The following VPS26B variants were observed in gnomAD, a reference collection of about 807,000 sequenced individuals.
The protein encoded by VPS26B is VPS26 retromer complex component B, also known as vacuolar protein sorting-associated protein 26B.
VPS26B carries 10 observed loss-of-function variants against 33.3 expected under a neutral mutation model. That is an observed-to-expected ratio of 0.30 (90% CI 0.19 to 0.51). VPS26B has a LOEUF of 0.51. Ranked by LOEUF, VPS26B falls within the 20% of genes least tolerant of loss-of-function variation. The probability of loss-of-function intolerance (pLI) is 0.98; values close to 1 mark genes in which losing one functional copy is unlikely to be tolerated. For missense variants in VPS26B, 317 were observed against 452.7 expected, an observed-to-expected ratio of 0.70 and a Z score of 2.72; for synonymous variants, 190 against 176.9, an observed-to-expected ratio of 1.07 and a Z score of -0.59.
chr11:134,244,683 C>T lies in VPS26B; in HGVS notation c.722-255C>T. ...CAAAAGATGCTTATACTAATAATGACCTGTGCTGTTCCCACTCAGTTGCTC... is the reference window on the plus strand; with the variant it reads ...CAAAAGATGCTTATACTAATAATGATCTGTGCTGTTCCCACTCAGTTGCTC... On this transcript the variant is annotated intron_variant, in intron 4 of 5. Transcript: ENST00000281187. The surrounding 1 kb of genome is among the most constrained non-coding windows in gnomAD (Gnocchi z 4.0). The T allele has an allele frequency of 4.4e-6, 2 of 452,132 alleles. No individual in the cohort carries two copies. Among genetic ancestry groups the T allele is most frequent in the Admixed American group, 7.7e-5 (2 of 25,822 alleles). 28.0% of individuals were successfully genotyped at this position (452,132 alleles called of 1,614,324 possible). A position where few individuals can be genotyped will look rare whatever the true frequency, so the allele number is the denominator to read the frequency against.
chr11:134,225,431 G>A, intron 1 of VPS26B, 86 bp downstream of exon 1: 7 of 1,346,498 alleles, frequency 5.2e-6, no homozygotes, highest in Middle Eastern at 1.8e-4. Flanking sequence ...CTCCGGCGAG[G>A]CCTGTCACAG....
intron 2 of VPS26B, among the ~76,000 whole-genome samples, chr11:134,236,013 C>T (rs1450949489): frequency 6.6e-6 from 1 of 152,146 alleles, no homozygotes; most frequent in Non-Finnish European, 1.5e-5. Context: ...CTTTCTCTGT[C>T]CTCCCTTCTT....
intron 2 of VPS26B, 72 bp downstream of exon 2, chr11:134,235,125 C>A: frequency 6.5e-7 from 1 of 1,533,182 alleles, no homozygotes; most frequent in Non-Finnish European, 8.8e-7. Flanking sequence ...TGAGGCCGTC[C>A]CCACTTTGAG....
Position 134,244,834 on chromosome 11 carries a change from G to T in VPS26B, c.722-104G>T. 1 of 1,438,584 alleles carries T rather than the reference G, an allele frequency of 7.0e-7. No homozygotes were observed. The highest frequency in any genetic ancestry group is 9.2e-7 in the Non-Finnish European group (1 of 1,084,678). 89.1% of individuals were successfully genotyped at this position (1,438,584 alleles called of 1,614,324 possible). The stretch of plus-strand genomic sequence containing the variant: ...ACCTTCCCAGAAGGCTGAAGTGCTC[G>T]TGTGCTGCACTCCAGTGGCATCTCT... On this transcript the variant is annotated intron_variant, in intron 4 of 5. Coordinates refer to ENST00000281187, the MANE Select transcript of VPS26B (RefSeq NM_052875.5). This position sits in a 1 kb window ranked among gnomAD's most constrained non-coding sequence, Gnocchi z 4.0.
chr11:134,243,196 A>G lies in VPS26B; in HGVS notation c.623A>G (p.Asp208Gly), dbSNP rs374370712. 4 of 1,614,094 alleles carry G rather than the reference A, an allele frequency of 2.5e-6. No homozygotes were observed. In the African/African-American group the frequency reaches 5.3e-5, roughly 22 times the overall value. Residue 208 changes from aspartate to glycine, a missense_variant, in exon 4 of 6, where the codon GAC becomes GGC. Coordinates refer to ENST00000281187, the MANE Select transcript of VPS26B (RefSeq NM_052875.5). Reference sequence around the variant, plus strand: ...ATCAAAATCAAGCACATGGAGATAGACATCATCAAGCGAGAAACGACGGGT... The same window carrying G: ...ATCAAAATCAAGCACATGGAGATAGGCATCATCAAGCGAGAAACGACGGGT... ...VRIKIKHMEIDIIKRETTGTG... is the reference protein window; with the variant it reads ...VRIKIKHMEIGIIKRETTGTG...
At chr11:134,241,564 G>A (rs1297983229) in intron 3 of VPS26B, among the ~76,000 whole-genome samples, 3 of 152,212 alleles carry the variant, frequency 2.0e-5, no homozygotes, top group Admixed American at 2.0e-4. Flanking sequence ...GTCCTGCCCA[G>A]AAAGGAGCCA....
intron 2 of VPS26B, 46 bp from the exon 3 acceptor site, chr11:134,239,945 T>C (rs1938691472): frequency 1.2e-6 from 2 of 1,612,288 alleles, no homozygotes; most frequent in East Asian, 4.5e-5. Flanking sequence ...CTAGGTAGCA[T>C]CTGGAGACTG....
intron 2 of VPS26B, chr11:134,239,758 T>G: frequency 3.5e-5 from 18 of 518,110 alleles, no homozygotes; most frequent in East Asian, 1.1e-4. Context: ...CCTAGAGGGA[T>G]TTGGGGGAAG....
rs144391409 is a variant in VPS26B, at chr11:134,244,969, C to T, written c.753C>T (p.Ala251=). ...CCATCCCGATCCGGCTCTTCCTGGC[C>T]GGGTATGAGCTCACGCCCACCATGC... The part of the protein sequence containing the change: ...GESIPIRLFL[A]GYELTPTMRD... Residue 251 remains alanine, a synonymous_variant, in exon 5 of 6, where the codon GCC becomes GCT. Transcript: ENST00000281187. The surrounding 1 kb of genome is among the most constrained non-coding windows in gnomAD (Gnocchi z 4.0). 1.9e-5 allele frequency: 31 copies of T among 1,613,864 alleles called. No individual in the cohort carries two copies. Among genetic ancestry groups the T allele is most frequent in the East Asian group, 1.8e-4 (8 of 44,886 alleles).
rs1039383069 is a variant in VPS26B at position 134,224,768 on chromosome 11, C to G, written c.-355C>G. The G allele has an allele frequency of 6.6e-6, 1 of 152,568 alleles. No individual in the cohort carries two copies. The highest frequency in any genetic ancestry group is 1.5e-5 in the Non-Finnish European group (1 of 68,432). 9.5% of individuals were successfully genotyped at this position (152,568 alleles called of 1,614,324 possible). The stretch of plus-strand genomic sequence containing the variant: ...CCCCACCCGGCAGGCGCAGGCCACC[C>G]ACACCCGGCTCTGTGCGGCTGCCCC... On this transcript the variant is annotated 5_prime_UTR_variant, in exon 1 of 6. Coordinates refer to ENST00000281187, the MANE Select transcript of VPS26B (RefSeq NM_052875.5).
Position 134,240,036 on chromosome 11 carries a change from C to A in VPS26B, c.426C>A (p.Val142=). Reference sequence around the variant, plus strand: ...TCAGCCGCCGCCTCAATGATGTTGTCAAAGAGATGGACATTGTAGTTCACA... The same window carrying A: ...TCAGCCGCCGCCTCAATGATGTTGTAAAAGAGATGGACATTGTAGTTCACA... ...ATISRRLNDV[V]KEMDIVVHTL... is the part of the protein sequence containing the mutation. The change falls in exon 3 of 6, where the codon GTC becomes GTA. Residue 142 remains valine (V), a synonymous_variant. Transcript: ENST00000281187. This position sits in a 1 kb window ranked among gnomAD's most constrained non-coding sequence, Gnocchi z 4.4. 1.2e-6 allele frequency: 2 copies of A among 1,614,128 alleles called. No homozygotes were observed. Among genetic ancestry groups the A allele is most frequent in the Non-Finnish European group, 1.7e-6 (2 of 1,180,038 alleles).
At position 134,243,363 on chromosome 11, in the gene VPS26B, G is replaced by A; in HGVS notation, c.721+69G>A. On this transcript the variant is annotated intron_variant, in intron 4 of 5. Coordinates refer to ENST00000281187, the MANE Select transcript of VPS26B (RefSeq NM_052875.5). ...CATGTCCTGCACAGAATTCTGGAGG[G>A]GCTTGAGGGATTACACTGTCAAAAT... The A allele has an allele frequency of 1.9e-6, 3 of 1,559,800 alleles. No individual in the cohort carries two copies. In the South Asian group the frequency reaches 3.5e-5, roughly 18 times the overall value.
intron 1 of VPS26B, among the ~76,000 whole-genome samples, chr11:134,228,105 A>G (rs529874174): frequency 6.6e-6 from 1 of 152,380 alleles, no homozygotes; most frequent in South Asian, 2.1e-4. Flanking sequence ...GATGGACAAT[A>G]TGTTTCTGAT....
chr11:134,240,065 T>A lies in VPS26B; in HGVS notation c.455T>A (p.Leu152His). 6 of 1,614,188 alleles carry A rather than the reference T, an allele frequency of 3.7e-6. No homozygotes were observed. The highest frequency in any genetic ancestry group is 5.1e-6 in the Non-Finnish European group (6 of 1,180,028). ...VKEMDIVVHT[L>H]STYPELNSSI... The stretch of plus-strand genomic sequence containing the variant: ...GAGATGGACATTGTAGTTCACACAC[T>A]CAGCACATACCCAGAGCTGAACTCT... Residue 152 changes from leucine to histidine, a missense_variant, in exon 3 of 6, where the codon CTC (leucine) becomes CAC (histidine). By Grantham distance (99) the Leu-to-His change is moderately conservative. Coordinates refer to ENST00000281187, the MANE Select transcript of VPS26B (RefSeq NM_052875.5). The surrounding 1 kb of genome is among the most constrained non-coding windows in gnomAD (Gnocchi z 4.4).
chr11:134,233,958 G>C (rs542716668), intron 1 of VPS26B, among the ~76,000 whole-genome samples: 1 of 152,282 alleles, frequency 6.6e-6, no homozygotes, highest in African/African-American at 2.4e-5. Flanking sequence ...TCCTGAAGAG[G>C]ATAAATTTAG....
intron 3 of VPS26B, among the ~76,000 whole-genome samples, chr11:134,242,727 C>T (rs1938750851): frequency 6.6e-6 from 1 of 152,260 alleles, no homozygotes; most frequent in African/African-American, 2.4e-5. Context: ...TCTCTAAAGA[C>T]ATTGTGTGGA....
At chr11:134,242,806 CA>C (rs1938753348) in intron 3 of VPS26B, among the ~76,000 whole-genome samples, 1 of 152,234 alleles carries the variant, frequency 6.6e-6, no homozygotes, top group Non-Finnish European at 1.5e-5. Context: ...GGATATCTTT[CA>C]AAAACACAAA....
At chr11:134,227,145 G>A (rs1206614813) in intron 1 of VPS26B, among the ~76,000 whole-genome samples, 7 of 152,132 alleles carry the variant, frequency 4.6e-5, no homozygotes, top group Admixed American at 4.6e-4. Flanking sequence ...CCCCACTTGC[G>A]ACCACAAAAA....
At chr11:134,235,385 G>A (rs1020319305) in intron 2 of VPS26B, 6 of 187,426 alleles carry the variant, frequency 3.2e-5, no homozygotes, top group Admixed American at 6.1e-5. Context: ...GTAAAGGGCC[G>A]GAAAATAGGA....
Sources: gnomAD v4.1 joint callset for allele counts (sites outside exome capture counted in the v4.1 genomes callset) on GRCh38, gnomAD v4.1.1 for gene constraint, Gnocchi (gnomAD v3.1) non-coding constraint, MANE v1.5 for transcripts, NCBI Gene and HGNC (gene_info 2026-07-23, HGNC 2026-07-21) for gene names.